ABCG1: variants seen among roughly 807,000 people sequenced by gnomAD.
ABCG1 encodes ATP-binding cassette sub-family G member 1.
A neutral mutation model predicts 69.2 loss-of-function variants in ABCG1; 29 were observed. That is an observed-to-expected ratio of 0.42 (90% CI 0.31 to 0.57). The LOEUF is 0.57. Ranked by LOEUF, ABCG1 falls within the 20% of genes least tolerant of loss-of-function variation. The probability of loss-of-function intolerance (pLI) is 0.15; values close to 1 mark genes in which losing one functional copy is unlikely to be tolerated. For missense variants in ABCG1, 718 were observed against 898.1 expected, an observed-to-expected ratio of 0.80 and a Z score of 2.56; for synonymous variants, 370 against 374.8, an observed-to-expected ratio of 0.99 and a Z score of 0.15.
chr21:42,237,378 C>T (rs1275230001), intron 2 of ABCG1, among the ~76,000 whole-genome samples: 1 of 152,212 alleles, frequency 6.6e-6, no homozygotes, highest in Non-Finnish European at 1.5e-5. Context: ...CTTTGGGCCA[C>T]TCTCTCTACC....
In ABCG1 at chr21:42,273,218, C is replaced by T. The variant is rs568170242; in HGVS notation, c.405-85C>T. 2.4e-5 allele frequency: 36 copies of T among 1,518,856 alleles called. No homozygotes were observed. The highest frequency in any genetic ancestry group is 1.4e-4 in the East Asian group (6 of 43,240). 94.1% of individuals were successfully genotyped at this position (1,518,856 alleles called of 1,614,324 possible). A position where few individuals can be genotyped will look rare whatever the true frequency, so the allele number is the denominator to read the frequency against. On this transcript the variant is annotated intron_variant, in intron 3 of 14. Coordinates refer to ENST00000398449, the MANE Select transcript of ABCG1 (RefSeq NM_016818.3). The surrounding 1 kb of genome is among the most constrained non-coding windows in gnomAD (Gnocchi z 5.3). ...GGGAAGATGCTGGGAGGCAAGCCCC[C>T]GTCTCTGGCTCCCCTCTCCTGCCCC... is the stretch of plus-strand genomic sequence containing the variant.
chr21:42,201,523 C>A, intron 1 of ABCG1: 1 of 1,248,406 alleles, frequency 8.0e-7, no homozygotes, highest in South Asian at 1.4e-5. Context: ...GTGAGCTACC[C>A]TGAGTTAATC....
At chr21:42,258,892 G>A (rs2068356617) in intron 2 of ABCG1, among the ~76,000 whole-genome samples, 2 of 152,236 alleles carry the variant, frequency 1.3e-5, no homozygotes, top group Admixed American at 1.3e-4. Flanking sequence ...AGCTGCTCCA[G>A]AACTTTCTTT....
intron 6 of ABCG1, among the ~76,000 whole-genome samples, chr21:42,284,292 C>CA (rs2068894010): frequency 1.3e-5 from 2 of 152,162 alleles, no homozygotes; most frequent in African/African-American, 4.8e-5. Flanking sequence ...GGGACCCCCC[C>CA]CCAGTCCTGG....
At chr21:42,245,526 G>C (rs541635097) in intron 2 of ABCG1, among the ~76,000 whole-genome samples, 1 of 152,332 alleles carries the variant, frequency 6.6e-6, no homozygotes, top group Admixed American at 6.5e-5. Flanking sequence ...ATCCAGTGCA[G>C]ACCAGATGGC....
intron 2 of ABCG1, chr21:42,259,309 C>T (rs895684363): frequency 1.3e-6 from 2 of 1,538,016 alleles, no homozygotes; most frequent in Non-Finnish European, 1.8e-6. Context: ...AGTTTTGTTG[C>T]AGTAGCCACA....
intron 2 of ABCG1, among the ~76,000 whole-genome samples, chr21:42,244,008 A>G (rs563510075): frequency 4.7e-4 from 71 of 151,776 alleles, no homozygotes; most frequent in African/African-American, 1.6e-3. Flanking sequence ...TTTAGTAAAG[A>G]CGGGGTTTCA....
intron 6 of ABCG1, among the ~76,000 whole-genome samples, chr21:42,282,961 AT>A (rs2068840564): frequency 6.6e-6 from 1 of 152,070 alleles, no homozygotes; most frequent in Non-Finnish European, 1.5e-5. Flanking sequence ...TTCCTGGGTG[AT>A]GCCCTTTATG....
At chr21:42,200,058 GGAGATGCAGT>G (rs902310041) in intron 1 of ABCG1, among the ~76,000 whole-genome samples, 1 of 152,208 alleles carries the variant, frequency 6.6e-6, no homozygotes, top group Non-Finnish European at 1.5e-5. Context: ...CCTGGATTTG[GGAGATGCAGT>G]GAGAATGAGT....
intron 5 of ABCG1, among the ~76,000 whole-genome samples, chr21:42,280,176 C>A (rs551404794): frequency 6.6e-6 from 1 of 152,226 alleles, no homozygotes; most frequent in Non-Finnish European, 1.5e-5. Flanking sequence ...GCCTCGCCAT[C>A]GGGCCCACCA....
At position 42,291,692 on chromosome 21, in the gene ABCG1, G is replaced by A. The variant is rs372155784; in HGVS notation, c.1653+36G>A. ...AGGAGGCGCTAAGTGAGGGCATGAC[G>A]GCTGGGCTTCCCTGAGCTACCTTGG... On this transcript the variant is annotated intron_variant, in intron 13 of 14. Transcript: ENST00000398449. The surrounding 1 kb of genome is among the most constrained non-coding windows in gnomAD (Gnocchi z 6.4). 9 of 1,558,254 alleles carry A rather than the reference G, an allele frequency of 5.8e-6. No homozygotes were observed. Among genetic ancestry groups the A allele is most frequent in the East Asian group, 2.4e-5 (1 of 42,310 alleles).
At chr21:42,251,031 C>G (rs1265435124) in intron 2 of ABCG1, among the ~76,000 whole-genome samples, 2 of 95,778 alleles carry the variant, frequency 2.1e-5, no homozygotes, top group African/African-American at 1.1e-4. Flanking sequence ...GCCCAGCAGA[C>G]ATGAACTTGC....
At chr21:42,251,357 A>T (rs1368180110) in intron 2 of ABCG1, among the ~76,000 whole-genome samples, 1 of 152,214 alleles carries the variant, frequency 6.6e-6, no homozygotes, top group Non-Finnish European at 1.5e-5. Flanking sequence ...GGAAGGAGGT[A>T]CGTGTTGTTA....
Position 42,225,759 on chromosome 21 carries a change from C to T in ABCG1, c.131C>T (p.Thr44Ile). ...DEVVSSNMEA[T>I]ETDLLNGHLK... is the part of the protein sequence containing the mutation. Reference sequence around the variant, plus strand: ...GTGGTGTCCAGCAACATGGAGGCCACTGAGACGGACCTGCTGAATGGACAT... The same window carrying T: ...GTGGTGTCCAGCAACATGGAGGCCATTGAGACGGACCTGCTGAATGGACAT... The change falls in exon 2 of 15, where the codon ACT (threonine) becomes ATT (isoleucine). Residue 44 changes from threonine to isoleucine, a missense_variant. Thr to Ile is a moderately conservative substitution (Grantham distance 89, BLOSUM62 -1). Transcript: ENST00000398449. The T allele has an allele frequency of 6.2e-7, 1 of 1,613,936 alleles. No homozygotes were observed. The highest frequency in any genetic ancestry group is 1.3e-5 in the African/African-American group (1 of 74,940).
chr21:42,282,963 G>T (rs1362534605), intron 6 of ABCG1, among the ~76,000 whole-genome samples: 1 of 152,188 alleles, frequency 6.6e-6, no homozygotes, highest in Non-Finnish European at 1.5e-5. Context: ...CCTGGGTGAT[G>T]CCCTTTATGT....
intron 4 of ABCG1, among the ~76,000 whole-genome samples, chr21:42,274,822 CA>C (rs1276289677): frequency 9.2e-5 from 14 of 152,108 alleles, no homozygotes; most frequent in African/African-American, 3.1e-4. Flanking sequence ...TGAAACCACA[CA>C]GACCTAACTG....
At chr21:42,256,882 T>G (rs184988734) in intron 2 of ABCG1, among the ~76,000 whole-genome samples, 1 of 152,360 alleles carries the variant, frequency 6.6e-6, no homozygotes, top group East Asian at 1.9e-4. Context: ...AGCGCAGCTG[T>G]CACTCCCGGA....
chr21:42,253,663 C>A (rs139638770), intron 2 of ABCG1, among the ~76,000 whole-genome samples: 3 of 152,234 alleles, frequency 2.0e-5, no homozygotes, highest in African/African-American at 7.2e-5. Flanking sequence ...ACTGAGATAA[C>A]CCTGACGTCA....
chr21:42,244,705 T>C (rs1464352804), intron 2 of ABCG1, among the ~76,000 whole-genome samples: 1 of 152,194 alleles, frequency 6.6e-6, no homozygotes, highest in Non-Finnish European at 1.5e-5. Context: ...CTGGGAGGTG[T>C]GAAACCTTCT....
Sources: gnomAD v4.1 joint callset for allele counts (sites outside exome capture counted in the v4.1 genomes callset) on GRCh38, gnomAD v4.1.1 for gene constraint, Gnocchi (gnomAD v3.1) non-coding constraint, MANE v1.5 for transcripts, NCBI Gene and HGNC (gene_info 2026-07-23, HGNC 2026-07-21) for gene names.